The following TRMT10A variants were observed in gnomAD, a reference collection of about 807,000 sequenced individuals.
TRMT10A encodes tRNA methyltransferase 10 homolog A.
In TRMT10A, 37 loss-of-function variants were observed where a neutral mutation model predicts 40.4. The observed-to-expected ratio is 0.92, with a 90% CI of 0.71 to 1.21. The LOEUF is 1.21. Ranked by LOEUF, TRMT10A falls within the 50% of genes most tolerant of loss-of-function variation. The probability of loss-of-function intolerance (pLI) is 0.00; values close to 1 mark genes in which losing one functional copy is unlikely to be tolerated. For missense variants in TRMT10A, 388 were observed against 404.3 expected, an observed-to-expected ratio of 0.96 and a Z score of 0.35; for synonymous variants, 103 against 134.1, an observed-to-expected ratio of 0.77 and a Z score of 1.60.
chr4:99,563,815 A>C, intron 1 of TRMT10A, 98 bp downstream of exon 1: 1 of 622,266 alleles, frequency 1.6e-6, no homozygotes, highest in Non-Finnish European at 3.0e-6. Flanking sequence ...CTCCCCCGGA[A>C]GCCCTTGTTG....
intron 1 of TRMT10A, among the ~76,000 whole-genome samples, chr4:99,560,175 A>C (rs555810129): frequency 2.6e-5 from 4 of 152,282 alleles, no homozygotes; most frequent in African/African-American, 7.2e-5. Context: ...ACAAATTAAA[A>C]ATAGGGCAAT....
At chr4:99,549,408 T>G in intron 7 of TRMT10A, 52 bp from the exon 8 acceptor site, 1 of 1,588,074 alleles carries the variant, frequency 6.3e-7, no homozygotes, top group Non-Finnish European at 8.6e-7. Flanking sequence ...ATCACAATGC[T>G]GCACAATGTC....
chr4:99,563,894 C>T lies in TRMT10A; in HGVS notation c.-24+19G>A, dbSNP rs1724575252. 2 of 726,928 alleles carry T rather than the reference C, an allele frequency of 2.8e-6. No individual in the cohort carries two copies. Among genetic ancestry groups the T allele is most frequent in the Admixed American group, 2.0e-5 (1 of 49,866 alleles). The allele number at this position is 726,928 out of a possible 1,614,324, so 45.0% of individuals were successfully genotyped here. On this transcript the variant is annotated intron_variant, in intron 1 of 7. Transcript: ENST00000394876. ...ATACCATAGTGCGGGGGAGCGCCAA[C>T]CAGTGCCAGGACACTTACCGAGCTG... is the stretch of plus-strand genomic sequence containing the variant.
intron 6 of TRMT10A, among the ~76,000 whole-genome samples, chr4:99,553,234 A>C (rs974438920): frequency 2.6e-5 from 4 of 152,204 alleles, no homozygotes; most frequent in Non-Finnish European, 5.9e-5. Context: ...AGAATTTTGC[A>C]TGCTGCAATG....
Position 99,556,161 on chromosome 4 carries a change from T to A in TRMT10A, c.480A>T (p.Gly160=), listed in dbSNP as rs775821648. ...LKKNMDENDK[G]WVNWKDIHIK... is the part of the protein sequence containing the mutation. ...TTTTAATTACCTTCCAGTTGACCCA[T>A]CCTTTGTCATTTTCATCCATGTTCT... Residue 160 remains glycine, a synonymous_variant, in exon 5 of 8, where the codon GGA becomes GGT. Transcript: ENST00000394876. 8.7e-6 allele frequency: 14 copies of A among 1,613,548 alleles called. No individual in the cohort carries two copies. In the African/African-American group the frequency reaches 1.9e-4, roughly 22 times the overall value.
chr4:99,550,851 C>G, intron 7 of TRMT10A, 34 bp downstream of exon 7: 1 of 1,428,294 alleles, frequency 7.0e-7, no homozygotes, highest in South Asian at 1.2e-5. Flanking sequence ...AATGTTCGCT[C>G]AGGTATATTT....
intron 1 of TRMT10A, 167 bp downstream of exon 1, chr4:99,563,746 G>T: frequency 2.4e-6 from 1 of 414,398 alleles, no homozygotes. Flanking sequence ...GCCTGTCATC[G>T]ACGTCATTTC....
intron 1 of TRMT10A, among the ~76,000 whole-genome samples, chr4:99,561,718 A>AT (rs1301775821): frequency 6.6e-6 from 1 of 152,224 alleles, no homozygotes; most frequent in Non-Finnish European, 1.5e-5. Context: ...ACAGCATTTT[A>AT]TTAGGTATAC....
At chr4:99,557,661 A>C in intron 3 of TRMT10A, 1 of 435,110 alleles carries the variant, frequency 2.3e-6, no homozygotes, top group Non-Finnish European at 4.1e-6. Flanking sequence ...TAGTTCATGA[A>C]AACGGCTACT....
chr4:99,556,134 T>C lies in TRMT10A; in HGVS notation c.495+12A>G, dbSNP rs746193433. ...ACTTGGAATTATGTGAGAGTTTATCTGTTTTAATTACCTTCCAGTTGACCC... is the reference window on the plus strand; with the variant it reads ...ACTTGGAATTATGTGAGAGTTTATCCGTTTTAATTACCTTCCAGTTGACCC... On this transcript the variant is annotated intron_variant, in intron 5 of 7. Coordinates refer to ENST00000394876, the MANE Select transcript of TRMT10A (RefSeq NM_001134665.3). The C allele has an allele frequency of 6.2e-7, 1 of 1,611,702 alleles. No homozygotes were observed. The highest frequency in any genetic ancestry group is 1.1e-5 in the South Asian group (1 of 90,760).
intron 1 of TRMT10A, among the ~76,000 whole-genome samples, chr4:99,562,134 G>A (rs895553498): frequency 1.6e-4 from 24 of 148,424 alleles, no homozygotes; most frequent in Admixed American, 6.1e-4. Flanking sequence ...TCGCAGCACT[G>A]CACTCCAACT....
intron 1 of TRMT10A, among the ~76,000 whole-genome samples, chr4:99,560,112 C>A (rs2110193789): frequency 6.6e-6 from 1 of 151,994 alleles, no homozygotes; most frequent in East Asian, 1.9e-4. Flanking sequence ...TACAAAAAGA[C>A]AGAACTGATT....
In TRMT10A at chr4:99,549,068, TA is replaced by T. The variant is rs746560726; in HGVS notation, c.*19del. On this transcript the variant is annotated 3_prime_UTR_variant, in exon 8 of 8. Transcript: ENST00000394876. ...ACTTTCTCCTAATTTTTCCTTAAAC[TA>T]AAAGGAAACCAGGTAACATTAGTGT... 1.9e-6 allele frequency: 3 copies of T among 1,608,812 alleles called. No homozygotes were observed. The East Asian group carries it at 6.7e-5, about 36-fold the overall frequency.
chr4:99,559,964 A>G (rs2110193597), intron 1 of TRMT10A, among the ~76,000 whole-genome samples: 1 of 152,274 alleles, frequency 6.6e-6, no homozygotes, highest in South Asian at 2.1e-4. Context: ...ACACACGTTT[A>G]ATTCTTACCC....
chr4:99,552,001 A>G (rs1162504665), intron 6 of TRMT10A, among the ~76,000 whole-genome samples: 1 of 152,068 alleles, frequency 6.6e-6, no homozygotes, highest in African/African-American at 2.4e-5. Context: ...TATGAAGAAA[A>G]TATTTTTGTA....
intron 1 of TRMT10A, among the ~76,000 whole-genome samples, chr4:99,562,427 T>C (rs910013342): frequency 3.2e-4 from 49 of 150,834 alleles, no homozygotes; most frequent in Admixed American, 3.2e-3. Context: ...CGTTAATTTA[T>C]GACAGTCTCC....
Position 99,559,376 on chromosome 4 carries a change from A to G in TRMT10A, c.-23-15T>C. On this transcript the variant is annotated splice_polypyrimidine_tract_variant and intron_variant, in intron 1 of 7. Transcript: ENST00000394876. ...CTGAAAAACAACTTTTGACATGAAT[A>G]GATAATTTACAAGCACAAAAAAGTT... The G allele has an allele frequency of 6.5e-7, 1 of 1,540,424 alleles. No homozygotes were observed. Among genetic ancestry groups the G allele is most frequent in the East Asian group, 2.3e-5 (1 of 44,238 alleles).
rs1262044141 is a variant in TRMT10A, at chr4:99,557,863, C to T, written c.348+186G>A. The T allele has an allele frequency of 7.0e-6, 4 of 568,812 alleles. No individual in the cohort carries two copies. The East Asian group carries it at 9.3e-5, about 13-fold the overall frequency. 35.2% of individuals were successfully genotyped at this position (568,812 alleles called of 1,614,324 possible). On this transcript the variant is annotated intron_variant, in intron 3 of 7. Coordinates refer to ENST00000394876, the MANE Select transcript of TRMT10A (RefSeq NM_001134665.3). ...ACATACTGACACACACACATACACA[C>T]ATATATAAATACACATATTTATTAT... is the stretch of plus-strand genomic sequence containing the variant.
rs200935064 is a variant in TRMT10A at position 99,553,874 on chromosome 4, G to A, written c.556C>T (p.Leu186Phe). The A allele has an allele frequency of 6.2e-7, 1 of 1,613,462 alleles. No homozygotes were observed. The highest frequency in any genetic ancestry group is 8.5e-7 in the Non-Finnish European group (1 of 1,179,730). The change falls in exon 6 of 8, where the codon CTT becomes TTT. Residue 186 changes from leucine to phenylalanine, a missense_variant. Leu to Phe is a conservative substitution (Grantham distance 22). Coordinates refer to ENST00000394876, the MANE Select transcript of TRMT10A (RefSeq NM_001134665.3). Reference sequence around the variant, plus strand: ...AGTATATTAGGTGAATCTGACGTAAGGTAAATCAGGTCTTCTTTCTTTATG... The same window carrying A: ...AGTATATTAGGTGAATCTGACGTAAAGTAAATCAGGTCTTCTTTCTTTATG... Reference protein sequence around the residue: ...ELIKKEDLIYLTSDSPNILKE... With the variant: ...ELIKKEDLIYFTSDSPNILKE...
Sources: gnomAD v4.1 joint callset for allele counts (sites outside exome capture counted in the v4.1 genomes callset) on GRCh38, gnomAD v4.1.1 for gene constraint, MANE v1.5 for transcripts, NCBI Gene and HGNC (gene_info 2026-07-23, HGNC 2026-07-21) for gene names.